FAF1: variants seen among roughly 807,000 people sequenced by gnomAD.
FAF1 encodes Fas associated factor 1.
A neutral mutation model predicts 92.5 loss-of-function variants in FAF1; 25 were observed. That is an observed-to-expected ratio of 0.27 (90% CI 0.20 to 0.38). FAF1 has a LOEUF of 0.38. Among genes scored for constraint, FAF1 ranks in the 10% least tolerant of loss-of-function variants. The pLI, the probability that FAF1 is intolerant of heterozygous loss-of-function variation, is 1.00. For missense variants in FAF1, 636 were observed against 793.3 expected (o/e 0.80, Z 2.38); for synonymous variants, 234 against 273.2 (o/e 0.86, Z 1.42).
chr1:50,645,858 T>C (rs1269371110), intron 8 of FAF1, among the ~76,000 whole-genome samples: 1 of 150,740 alleles, frequency 6.6e-6, no homozygotes, highest in African/African-American at 2.4e-5. Context: ...AGAAAAAAAA[T>C]AAATCGGTGT....
intron 1 of FAF1, among the ~76,000 whole-genome samples, chr1:50,950,082 C>T (rs767916971): frequency 2.6e-5 from 4 of 152,048 alleles, no homozygotes; most frequent in Non-Finnish European, 5.9e-5. Flanking sequence ...CTCAAGTGAT[C>T]CCGTGCCTCT....
rs183921688 is a variant in FAF1 at position 50,591,213 on chromosome 1, T to C, written c.840+4908A>G. 2.3e-3 allele frequency among the ~76,000 whole-genome samples: 356 copies of C among 152,354 alleles called. 1 individual carries two copies. Among genetic ancestry groups the C allele is most frequent in the African/African-American group, 8.3e-3 (347 of 41,580 alleles). ...TTTTTCCTTCATTCTGTAAATGTGC[T>C]GTATTACATTGAGGATTCCATTATC... is the stretch of plus-strand genomic sequence containing the variant. On this transcript the variant is annotated intron_variant, in intron 9 of 18. Transcript: ENST00000396153.
chr1:50,872,188 A>G (rs1195751143), intron 1 of FAF1, among the ~76,000 whole-genome samples: 4 of 152,210 alleles, frequency 2.6e-5, no homozygotes, highest in Non-Finnish European at 2.9e-5. Context: ...AGGATTCACC[A>G]TTCTAGATGC....
chr1:50,538,554 A>G (rs1346346808), intron 14 of FAF1, among the ~76,000 whole-genome samples: 1 of 85,842 alleles, frequency 1.2e-5, no homozygotes, highest in Non-Finnish European at 2.4e-5. Context: ...TAAAAAAGGC[A>G]AAAAAAAAAA....
chr1:50,872,054 G>A (rs1644532300), intron 1 of FAF1, among the ~76,000 whole-genome samples: 1 of 130,336 alleles, frequency 7.7e-6, no homozygotes, highest in African/African-American at 3.0e-5. Context: ...AACAGAGCCA[G>A]ACTCCATCTC....
Position 50,583,850 on chromosome 1 carries a change from C to T in FAF1, c.968-135G>A. 3.8e-6 allele frequency: 2 copies of T among 527,670 alleles called. No individual in the cohort carries two copies. The highest frequency in any genetic ancestry group is 6.6e-6 in the Non-Finnish European group (2 of 301,902). 32.7% of individuals were successfully genotyped at this position (527,670 alleles called of 1,614,324 possible). A position where few individuals can be genotyped will look rare whatever the true frequency, so the allele number is the denominator to read the frequency against. On this transcript the variant is annotated intron_variant, in intron 10 of 18. Coordinates refer to ENST00000396153, the MANE Select transcript of FAF1 (RefSeq NM_007051.3). The surrounding 1 kb of genome is among the most constrained non-coding windows in gnomAD (Gnocchi z 4.2). ...AAGAGGAAATAAAATTAAATTTTAG[C>T]TTCTGTGATATATCTGAGGGGATAG...
chr1:50,586,200 A>T (rs1022595636), intron 9 of FAF1, among the ~76,000 whole-genome samples: 1 of 152,160 alleles, frequency 6.6e-6, no homozygotes, highest in Admixed American at 6.5e-5. Context: ...TCCCTCCCCT[A>T]GGCCCAAACA....
chr1:50,819,722 TATATATAC>T (rs1267439959), intron 2 of FAF1, among the ~76,000 whole-genome samples: 280 of 11,504 alleles, frequency 0.024, 26 homozygotes, highest in African/African-American at 0.056. Flanking sequence ...TATACGTATA[TATATATAC>T]ATATATATAC....
chr1:50,742,007 A>C (rs1011370553), intron 5 of FAF1, among the ~76,000 whole-genome samples: 1 of 152,188 alleles, frequency 6.6e-6, no homozygotes, highest in African/African-American at 2.4e-5. Context: ...AGTGAAGAGT[A>C]CATAGAAATA....
chr1:50,511,290 G>A (rs990212820), intron 15 of FAF1, among the ~76,000 whole-genome samples: 3 of 152,014 alleles, frequency 2.0e-5, no homozygotes, highest in African/African-American at 7.2e-5. Context: ...GATCTGTGTA[G>A]AACGTGCAGG....
At chr1:50,912,506 T>C (rs1644892935) in intron 1 of FAF1, among the ~76,000 whole-genome samples, 1 of 152,212 alleles carries the variant, frequency 6.6e-6, no homozygotes, top group Admixed American at 6.5e-5. Context: ...GCAGAAGTTT[T>C]AGTGTTGTTA....
At chr1:50,607,457 C>T (rs1245849774) in intron 8 of FAF1, among the ~76,000 whole-genome samples, 3 of 152,130 alleles carry the variant, frequency 2.0e-5, no homozygotes, top group African/African-American at 7.2e-5. Flanking sequence ...TAACCCTGCC[C>T]ACCTTTCCAG....
chr1:50,716,022 A>G (rs1658154819), intron 6 of FAF1, among the ~76,000 whole-genome samples: 1 of 152,238 alleles, frequency 6.6e-6, no homozygotes, highest in South Asian at 2.1e-4. Context: ...TGTCTCATTC[A>G]GAGAGTACTT....
At chr1:50,711,004 G>A (rs1311109134) in intron 6 of FAF1, among the ~76,000 whole-genome samples, 1 of 151,068 alleles carries the variant, frequency 6.6e-6, no homozygotes, top group Non-Finnish European at 1.5e-5. Flanking sequence ...CAACCTCCCA[G>A]GTTCAAGCAG....
intron 7 of FAF1, among the ~76,000 whole-genome samples, chr1:50,689,889 G>C (rs75081331): frequency 3.0e-4 from 46 of 151,372 alleles, no homozygotes; most frequent in African/African-American, 1.1e-3. Flanking sequence ...AAACAAATTT[G>C]TACCCATTAA....
In FAF1 at chr1:50,442,985, G is replaced by A. The variant is rs557250759; in HGVS notation, c.1870-1462C>T. Among the ~76,000 whole-genome samples the A allele has an allele frequency of 2.6e-5, 4 of 152,322 alleles. No homozygotes were observed. In the East Asian group the frequency reaches 7.7e-4, roughly 29 times the overall value. On this transcript the variant is annotated intron_variant, in intron 18 of 18. Transcript: ENST00000396153. ...TAGCCTGTCTATCTTCCAATGCACT[G>A]AGGGGCAAGCTGCTGGCAAATGTTT...
intron 12 of FAF1, among the ~76,000 whole-genome samples, chr1:50,575,756 G>C (rs1210571187): frequency 6.6e-6 from 1 of 152,086 alleles, no homozygotes; most frequent in Non-Finnish European, 1.5e-5. Context: ...AAGCAGACTG[G>C]GCATATTTTC....
chr1:50,851,795 T>A (rs921549863), intron 2 of FAF1, among the ~76,000 whole-genome samples: 1 of 152,144 alleles, frequency 6.6e-6, no homozygotes, highest in Non-Finnish European at 1.5e-5. Context: ...AAGGTAAAAT[T>A]GCCATCAAGA....
At chr1:50,552,783 G>T (rs1410521837) in intron 13 of FAF1, among the ~76,000 whole-genome samples, 1 of 152,004 alleles carries the variant, frequency 6.6e-6, no homozygotes, top group African/African-American at 2.4e-5. Flanking sequence ...AGAGGGGAAT[G>T]ATATATTTGG....
Sources: gnomAD v4.1 joint callset for allele counts (sites outside exome capture counted in the v4.1 genomes callset) on GRCh38, gnomAD v4.1.1 for gene constraint, Gnocchi (gnomAD v3.1) non-coding constraint, MANE v1.5 for transcripts, NCBI Gene and HGNC (gene_info 2026-07-23, HGNC 2026-07-21) for gene names.